The following SFPQ variants were observed in gnomAD, a reference collection of about 807,000 sequenced individuals.
SFPQ encodes splicing factor, proline- and glutamine-rich.
SFPQ carries 11 observed loss-of-function variants against 72.9 expected under a neutral mutation model. That is an observed-to-expected ratio of 0.15 (90% CI 0.09 to 0.25). The LOEUF is 0.25. Among genes scored for constraint, SFPQ ranks in the 10% least tolerant of loss-of-function variants. SFPQ has a pLI of 1.00. For synonymous variants in SFPQ, 506 were observed against 367.3 expected, an observed-to-expected ratio of 1.38 and a Z score of -4.32; for missense variants, 847 against 993.3, an observed-to-expected ratio of 0.85 and a Z score of 1.98.
rs752982893 is a variant in SFPQ, at chr1:35,192,786, CGGCGGCTGATGCGGT to C, written c.249_263del (p.Gln86_His90del). 96 of 1,498,752 alleles carry C rather than the reference CGGCGGCTGATGCGGT, an allele frequency of 6.4e-5. No individual in the cohort carries two copies. Among genetic ancestry groups the C allele is most frequent in the Middle Eastern group, 2.2e-4 (1 of 4,604 alleles). The allele number at this position is 1,498,752 out of a possible 1,614,324, so 92.8% of individuals were successfully genotyped here. On this transcript the variant is annotated inframe_deletion, in exon 1 of 10. Coordinates refer to ENST00000357214, the MANE Select transcript of SFPQ (RefSeq NM_005066.3). ...GCTGCTGATGCGGCTGTGGATGCGG[CGGCGGCTGATGCGGT>C]GGCGGCTGCTGCGGCGGTGGCTGCT...
In SFPQ at chr1:35,183,966, G is replaced by A. The variant is rs1354654346; in HGVS notation, c.*490C>T. On this transcript the variant is annotated 3_prime_UTR_variant, in exon 10 of 10. Transcript: ENST00000357214. ...GCATTTCTTCTTTTTAAAACAAAGG[G>A]GGCAATTATTTGTAGAAAGCAATAC... 2.9e-6 allele frequency: 3 copies of A among 1,052,610 alleles called. No individual in the cohort carries two copies. The highest frequency in any genetic ancestry group is 1.7e-5 in the African/African-American group (1 of 60,292). The allele number at this position is 1,052,610 out of a possible 1,614,324, so 65.2% of individuals were successfully genotyped here.
At chr1:35,191,279 G>C in intron 2 of SFPQ, 62 bp downstream of exon 2, 2 of 1,371,856 alleles carry the variant, frequency 1.5e-6, no homozygotes, top group Middle Eastern at 2.2e-4. Flanking sequence ...TTCAGCGTTT[G>C]TAGTGACAAA....
chr1:35,186,591 A>C (rs1045748025), intron 9 of SFPQ, among the ~76,000 whole-genome samples: 1 of 151,884 alleles, frequency 6.6e-6, no homozygotes, highest in Non-Finnish European at 1.5e-5. Context: ...TCAAACTACA[A>C]GTCTGATTCC....
At chr1:35,180,838 T>C (rs958249982), downstream of SFPQ, 6 of 985,288 alleles carry the variant, frequency 6.1e-6, no homozygotes, top group African/African-American at 1.0e-4. Context: ...CCCACACCAC[T>C]GATGTGTTCC....
At chr1:35,182,755 C>T (rs1639522484), downstream of SFPQ, 1 of 985,288 alleles carries the variant, frequency 1.0e-6, no homozygotes, top group African/African-American at 1.7e-5. Flanking sequence ...AGAACAAAGC[C>T]AAACCATTCA....
At chr1:35,181,882 G>A, downstream of SFPQ, 1 of 985,144 alleles carries the variant, frequency 1.0e-6, no homozygotes. Context: ...ACAACCCTGA[G>A]TACATTGCTG....
downstream of SFPQ, chr1:35,179,846 G>A (rs1262723035): frequency 2.8e-6 from 3 of 1,053,484 alleles, no homozygotes; most frequent in Admixed American, 5.5e-5. Flanking sequence ...AACCACGGCA[G>A]CAAGCACTGG....
chr1:35,183,571 T>G lies in SFPQ; in HGVS notation c.*885A>C. ...TTGTTTTTTAGACTACACCCCATCT[T>G]TATAAATCACTTGAATACATGAAAA... On this transcript the variant is annotated 3_prime_UTR_variant, in exon 10 of 10. Coordinates refer to ENST00000357214, the MANE Select transcript of SFPQ (RefSeq NM_005066.3). The G allele has an allele frequency of 9.8e-7, 1 of 1,020,136 alleles. No homozygotes were observed. The highest frequency in any genetic ancestry group is 4.7e-4 in the Middle Eastern group (1 of 2,130). The allele number at this position is 1,020,136 out of a possible 1,614,324, so 63.2% of individuals were successfully genotyped here.
At position 35,192,454 on chromosome 1, in the gene SFPQ, T is replaced by C; in HGVS notation, c.596A>G (p.Lys199Arg). 7.2e-7 allele frequency: 1 copy of C among 1,383,396 alleles called. No individual in the cohort carries two copies. The highest frequency in any genetic ancestry group is 1.6e-5 in the South Asian group (1 of 61,180). 85.7% of individuals were successfully genotyped at this position (1,383,396 alleles called of 1,614,324 possible). The change falls in exon 1 of 10, where the codon AAG becomes AGG. Residue 199 changes from lysine (K) to arginine (R), a missense_variant. Transcript: ENST00000357214. Reference sequence around the variant, plus strand: ...GGGACCACCCGGACCTGGGCCCTGCTTAGGCCCTGGACCCGGGCCCGGGAC... The same window carrying C: ...GGGACCACCCGGACCTGGGCCCTGCCTAGGCCCTGGACCCGGGCCCGGGAC... ...AAVPGPGPGP[K>R]QGPGPGGPKG...
chr1:35,177,991 C>A, downstream of SFPQ: 1 of 1,264,324 alleles, frequency 7.9e-7, no homozygotes, highest in South Asian at 1.4e-5. Context: ...AAACTTACTT[C>A]ATGTGAATGA....
intron 4 of SFPQ, 72 bp downstream of exon 4, chr1:35,190,425 TG>T (rs1474684029): frequency 9.2e-7 from 1 of 1,086,684 alleles, no homozygotes; most frequent in African/African-American, 1.6e-5. Context: ...TAAGCAAAAT[TG>T]GAAAATCACT....
At chr1:35,177,249 ATTG>A (rs1172992490) in intron 5 of SFPQ, 1 of 152,182 alleles carries the variant, frequency 6.6e-6, no homozygotes, top group African/African-American at 2.4e-5. Flanking sequence ...CCACATTAGT[ATTG>A]TTATTTTTGT....
rs973103016 is a variant in SFPQ at position 35,192,570 on chromosome 1, G to C, written c.480C>G (p.Ala160=). 1.3e-5 allele frequency: 17 copies of C among 1,335,446 alleles called. No homozygotes were observed. The highest frequency in any genetic ancestry group is 1.6e-5 in the Non-Finnish European group (17 of 1,049,512). 82.7% of individuals were successfully genotyped at this position (1,335,446 alleles called of 1,614,324 possible). A position where few individuals can be genotyped will look rare whatever the true frequency, so the allele number is the denominator to read the frequency against. ...GGGTGGGTGGCGGCGCCCCGGGAGG[G>C]GCCGAGGTGACTGCAGGCGGCGGGG... ...TPTPPPAVTS[A]PPGAPPPTPP... is the part of the protein sequence containing the mutation. The change falls in exon 1 of 10, where the codon GCC becomes GCG. Residue 160 remains alanine, a synonymous_variant. Coordinates refer to ENST00000357214, the MANE Select transcript of SFPQ (RefSeq NM_005066.3).
chr1:35,180,664 A>C, downstream of SFPQ: 1 of 1,054,856 alleles, frequency 9.5e-7, no homozygotes, highest in Non-Finnish European at 1.1e-6. Flanking sequence ...TTTTAGTTCA[A>C]CTCAACTTGT....
Position 35,188,035 on chromosome 1 carries a change from T to C in SFPQ, c.1753A>G (p.Met585Val). 2.5e-6 allele frequency: 4 copies of C among 1,614,186 alleles called. No individual in the cohort carries two copies. The highest frequency in any genetic ancestry group is 1.1e-5 in the South Asian group (1 of 91,086). ...EEEMMIRQRE[M>V]EEQMRRQREE... Reference sequence around the variant, plus strand: ...CTTTGGCGCCTCATTTGTTCTTCCATCTCACGTTGACGAATCATCATCTCT... The same window carrying C: ...CTTTGGCGCCTCATTTGTTCTTCCACCTCACGTTGACGAATCATCATCTCT... Residue 585 changes from methionine to valine, a missense_variant, in exon 7 of 10, where the codon ATG becomes GTG. Around this residue, in one of 6 missense-constraint regions of SFPQ, gnomAD observed 154 missense variants for 186.0 expected, o/e 0.83. Transcript: ENST00000357214.
chr1:35,191,804 T>C (rs1340132960), intron 1 of SFPQ, among the ~76,000 whole-genome samples: 1 of 152,112 alleles, frequency 6.6e-6, no homozygotes, highest in Admixed American at 6.5e-5. Flanking sequence ...CCTAAAAAAA[T>C]CTAAATAGTA....
chr1:35,177,422 G>C (rs1287457634), intron 4 of SFPQ: 1 of 152,078 alleles, frequency 6.6e-6, no homozygotes, highest in African/African-American at 2.4e-5. Flanking sequence ...ATGTTAACTT[G>C]CTCACTGCAG....
chr1:35,188,126 A>C, intron 6 of SFPQ, 36 bp from the exon 7 acceptor site: 3 of 1,436,894 alleles, frequency 2.1e-6, no homozygotes, highest in Non-Finnish European at 2.9e-6. Flanking sequence ...CTGAAGTGTT[A>C]TCCACATCTT....
chr1:35,176,563 T>A (rs1033876842), intron 5 of SFPQ: 1 of 152,116 alleles, frequency 6.6e-6, no homozygotes, highest in Non-Finnish European at 1.5e-5. Flanking sequence ...TCAAGTGAAC[T>A]AATACCAAAG....
Sources: allele counts gnomAD v4.1 joint callset (sites outside exome capture counted in the v4.1 genomes callset), GRCh38; gene constraint gnomAD v4.1.1; regional missense constraint gnomAD v4.1.1; transcripts MANE v1.5; gene names NCBI Gene and HGNC (gene_info 2026-07-23, HGNC 2026-07-21).